Variants in CTNND2 observed in about 807,000 individuals in gnomAD.
CTNND2 encodes catenin delta 2.
CTNND2 carries 22 observed loss-of-function variants against 144.4 expected under a neutral mutation model. That is an observed-to-expected ratio of 0.15 (90% CI 0.11 to 0.22). CTNND2 has a LOEUF of 0.22. Among genes scored for constraint, CTNND2 ranks in the 10% least tolerant of loss-of-function variants. The probability of loss-of-function intolerance (pLI) is 1.00; values close to 1 mark genes in which losing one functional copy is unlikely to be tolerated. For synonymous variants in CTNND2, 751 were observed against 695.6 expected, an observed-to-expected ratio of 1.08 and a Z score of -1.25; for missense variants, 1,353 against 1,618.8, an observed-to-expected ratio of 0.84 and a Z score of 2.82.
chr5:11,455,073 C>T (rs919276056), intron 3 of CTNND2, among the ~76,000 whole-genome samples: 7 of 150,176 alleles, frequency 4.7e-5, no homozygotes, highest in South Asian at 2.1e-4. Context: ...TAAGGCTGGA[C>T]GGGACAGATA....
intron 2 of CTNND2, among the ~76,000 whole-genome samples, chr5:11,641,505 A>G (rs1006053442): frequency 1.3e-5 from 2 of 151,622 alleles, no homozygotes; most frequent in Admixed American, 6.6e-5. Context: ...ATATACACGT[A>G]TATGTACATG....
intron 9 of CTNND2, among the ~76,000 whole-genome samples, chr5:11,282,029 C>T (rs56155): frequency 0.23 from 35,234 of 151,934 alleles, 4,150 homozygotes; most frequent in Middle Eastern, 0.33. Context: ...TCAGCAGGGA[C>T]GGCTTATCTC....
At chr5:11,460,551 C>A (rs375375180) in intron 3 of CTNND2, among the ~76,000 whole-genome samples, 2 of 152,162 alleles carry the variant, frequency 1.3e-5, no homozygotes, top group East Asian at 1.9e-4. Context: ...ATGCTCTACC[C>A]CCATTGGGGG....
At chr5:11,128,020 T>C (rs1423160904) in intron 12 of CTNND2, among the ~76,000 whole-genome samples, 5 of 150,802 alleles carry the variant, frequency 3.3e-5, no homozygotes, top group African/African-American at 7.3e-5. Context: ...TTACTTTATA[T>C]GGAAAAAAGA....
chr5:11,045,971 T>C (rs1278648219), intron 16 of CTNND2, among the ~76,000 whole-genome samples: 1 of 152,108 alleles, frequency 6.6e-6, no homozygotes, highest in East Asian at 1.9e-4. Context: ...AAATATTAAG[T>C]GGCTGGTCCC....
At position 10,985,105 on chromosome 5, in the gene CTNND2, A is replaced by C. The variant is rs374291034; in HGVS notation, c.3343+3006T>G. ...AAATAAATAAATAAATAAATAAATA[A>C]ATAAATACATAAATAAATGGCATAA... On this transcript the variant is annotated intron_variant, in intron 20 of 21. Transcript: ENST00000304623. Among the ~76,000 whole-genome samples, 18 of 126,174 alleles carry C rather than the reference A, an allele frequency of 1.4e-4. No individual in the cohort carries two copies. The East Asian group carries it at 3.0e-3, about 21-fold the overall frequency. 82.8% of individuals were successfully genotyped at this position (126,174 alleles called of 152,430 possible). A position where few individuals can be genotyped will look rare whatever the true frequency, so the allele number is the denominator to read the frequency against.
intron 1 of CTNND2, among the ~76,000 whole-genome samples, chr5:11,844,960 A>T (rs1794661569): frequency 6.6e-6 from 1 of 152,122 alleles, no homozygotes; most frequent in African/African-American, 2.4e-5. Flanking sequence ...GCAGGGGGGC[A>T]GGGAGCCATC....
chr5:11,886,211 T>C (rs1736518391), intron 1 of CTNND2, among the ~76,000 whole-genome samples: 1 of 151,496 alleles, frequency 6.6e-6, no homozygotes, highest in Non-Finnish European at 1.5e-5. Context: ...AAAATATCAA[T>C]GAAACAAAAA....
intron 3 of CTNND2, among the ~76,000 whole-genome samples, chr5:11,466,944 C>T (rs1581257015): frequency 6.6e-6 from 1 of 152,222 alleles, no homozygotes; most frequent in African/African-American, 2.4e-5. Context: ...TGTGCTATGC[C>T]AATCTTCCCA....
At chr5:11,344,437 CCCGA>C (rs1754574330) in intron 9 of CTNND2, among the ~76,000 whole-genome samples, 1 of 151,856 alleles carries the variant, frequency 6.6e-6, no homozygotes, top group South Asian at 2.1e-4. Context: ...TTTAAGAAAA[CCCGA>C]CAAGAAAGGT....
At chr5:11,275,183 T>G (rs1381277569) in intron 9 of CTNND2, among the ~76,000 whole-genome samples, 1 of 152,180 alleles carries the variant, frequency 6.6e-6, no homozygotes, top group Non-Finnish European at 1.5e-5. Flanking sequence ...CACAATGCTA[T>G]GGGGTAGCGG....
At chr5:11,136,661 G>T (rs1448757989) in intron 12 of CTNND2, among the ~76,000 whole-genome samples, 1 of 152,190 alleles carries the variant, frequency 6.6e-6, no homozygotes, top group Non-Finnish European at 1.5e-5. Context: ...AGCATTTCCA[G>T]AATTGTTCTC....
intron 16 of CTNND2, among the ~76,000 whole-genome samples, chr5:11,060,880 G>C (rs917903144): frequency 2.0e-5 from 3 of 152,118 alleles, no homozygotes; most frequent in Admixed American, 6.6e-5. Context: ...CCTGTGGATG[G>C]GCATTTTATT....
chr5:11,034,067 G>T (rs1384136992), intron 16 of CTNND2, among the ~76,000 whole-genome samples: 1 of 152,166 alleles, frequency 6.6e-6, no homozygotes, highest in Non-Finnish European at 1.5e-5. Flanking sequence ...AAGGTAAAAA[G>T]AGTTGATGCA....
intron 3 of CTNND2, among the ~76,000 whole-genome samples, chr5:11,534,979 G>C (rs1313459719): frequency 6.6e-6 from 1 of 152,038 alleles, no homozygotes; most frequent in Non-Finnish European, 1.5e-5. Flanking sequence ...CTGAGGTCAG[G>C]AGTTCAAGAC....
chr5:11,662,990 G>A (rs1783358361), intron 2 of CTNND2, among the ~76,000 whole-genome samples: 1 of 152,146 alleles, frequency 6.6e-6, no homozygotes, highest in Non-Finnish European at 1.5e-5. Flanking sequence ...GTCAAGACCA[G>A]GATGGTATTA....
intron 2 of CTNND2, among the ~76,000 whole-genome samples, chr5:11,580,922 C>A (rs1235788706): frequency 6.6e-6 from 1 of 152,096 alleles, no homozygotes; most frequent in East Asian, 1.9e-4. Context: ...TTTTTAGAAG[C>A]CCCCTCCTCC....
intron 12 of CTNND2, among the ~76,000 whole-genome samples, chr5:11,128,296 C>A (rs1051667182): frequency 2.5e-4 from 38 of 152,100 alleles, no homozygotes; most frequent in African/African-American, 7.5e-4. Context: ...CAACTGGCCA[C>A]CACCAAGCAA....
intron 16 of CTNND2, among the ~76,000 whole-genome samples, chr5:11,059,860 G>GTA (rs1338677185): frequency 2.0e-5 from 3 of 151,680 alleles, no homozygotes. Context: ...AAATATATGT[G>GTA]TATATATATA....
Sources: allele counts gnomAD v4.1 joint callset (sites outside exome capture counted in the v4.1 genomes callset), GRCh38; gene constraint gnomAD v4.1.1; transcripts MANE v1.5; gene names NCBI Gene and HGNC (gene_info 2026-07-23, HGNC 2026-07-21).